COA8: variants seen among roughly 807,000 people sequenced by gnomAD.
The protein encoded by COA8 is cytochrome c oxidase assembly factor 8, also known as UPF0671 protein C14orf153.
Under a neutral mutation model 22.0 loss-of-function variants are expected in COA8, and 20 were observed. The observed-to-expected ratio is 0.91, with a 90% CI of 0.64 to 1.32. The LOEUF (loss-of-function observed/expected upper bound fraction) is 1.32. COA8 is among the 40% of genes most tolerant of loss of function. The pLI is 0.00. For missense variants in COA8, 266 were observed against 230.0 expected (o/e 1.16, Z -1.01); for synonymous variants, 105 against 79.9 (o/e 1.31, Z -1.68).
At chr14:103,585,467 G>A (rs1373392038) in intron 3 of COA8, among the ~76,000 whole-genome samples, 3 of 121,562 alleles carry the variant, frequency 2.5e-5, no homozygotes, top group Admixed American at 8.4e-5. Flanking sequence ...CAACAAAAGC[G>A]AAACTCCGTC....
In COA8 at chr14:103,588,323, TGGGC is replaced by T. The variant is rs1262973558; in HGVS notation, c.476+960_476+963del. ...TGAGTCCAGGAGTTCAAGACCAGTC[TGGGC>T]AACATAGTGAAAGGCTTGAGCTAGG... On this transcript the variant is annotated intron_variant, in intron 4 of 4. Transcript: ENST00000409074. The T allele has an allele frequency of 7.6e-6, 3 of 396,656 alleles. No individual in the cohort carries two copies. In the East Asian group the frequency reaches 1.1e-4, roughly 14 times the overall value. The allele number at this position is 396,656 out of a possible 1,614,324, so 24.6% of individuals were successfully genotyped here.
At chr14:103,571,576 C>G in intron 1 of COA8, 47 bp from the exon 2 acceptor site, 12 of 1,475,448 alleles carry the variant, frequency 8.1e-6, no homozygotes, top group Non-Finnish European at 1.0e-5. Context: ...TTTTATAATA[C>G]TAGAGATTCA....
chr14:103,574,218 C>G (rs754793274), intron 3 of COA8, 48 bp downstream of exon 3: 3 of 1,603,138 alleles, frequency 1.9e-6, no homozygotes, highest in Admixed American at 1.7e-5. Context: ...TGCGTTTGAG[C>G]TAGTCCATGA....
At chr14:103,566,384 C>A (rs1316182600) in intron 1 of COA8, among the ~76,000 whole-genome samples, 1 of 152,154 alleles carries the variant, frequency 6.6e-6, no homozygotes, top group African/African-American at 2.4e-5. Flanking sequence ...CGCGCCATTG[C>A]ACTCCAGCCT....
intron 3 of COA8, among the ~76,000 whole-genome samples, chr14:103,586,337 A>G (rs1306776944): frequency 1.3e-5 from 2 of 150,044 alleles, no homozygotes; most frequent in Non-Finnish European, 3.0e-5. Flanking sequence ...CCTCTTGAGT[A>G]GCTAAGACTA....
At chr14:103,577,114 A>G (rs1249680605) in intron 3 of COA8, among the ~76,000 whole-genome samples, 2 of 152,232 alleles carry the variant, frequency 1.3e-5, no homozygotes, top group Non-Finnish European at 2.9e-5. Context: ...CTCTGTCACC[A>G]GGCTGGAGTG....
At chr14:103,563,285 A>G (rs2076105719) in intron 1 of COA8, 161 bp downstream of exon 1, 7 of 969,378 alleles carry the variant, frequency 7.2e-6, no homozygotes, top group Non-Finnish European at 1.1e-5. Context: ...AGGCTCCCGC[A>G]TCAACGCCCT....
rs942263334 is a variant in COA8, at chr14:103,581,625, G to A, written c.386-5649G>A. ...GGAAAGAAAAACCATGGATGGAGGGGACAGCTGTGCTGCCGCCATCTCCCT... is the reference window on the plus strand; with the variant it reads ...GGAAAGAAAAACCATGGATGGAGGGAACAGCTGTGCTGCCGCCATCTCCCT... On this transcript the variant is annotated intron_variant, in intron 3 of 4. Transcript: ENST00000409074. The surrounding 1 kb of genome is among the most constrained non-coding windows in gnomAD (Gnocchi z 4.1). 2 of 398,568 alleles carry A rather than the reference G, an allele frequency of 5.0e-6. No homozygotes were observed. Among genetic ancestry groups the A allele is most frequent in the African/African-American group, 4.1e-5 (2 of 48,638 alleles). 24.7% of individuals were successfully genotyped at this position (398,568 alleles called of 1,614,324 possible).
intron 1 of COA8, among the ~76,000 whole-genome samples, chr14:103,566,112 A>G (rs2076133368): frequency 6.6e-6 from 1 of 152,136 alleles, no homozygotes; most frequent in Admixed American, 6.6e-5. Context: ...CTTTCTGGTT[A>G]GAGTTACTAA....
chr14:103,587,279 A>G lies in COA8; in HGVS notation c.391A>G (p.Lys131Glu). ...GLGLRTESGQ[K>E]ATLNAEEMAD... ...AAGCTGAAATTACCTTTCAGGTCAG[A>G]AAGCAACATTGAATGCAGAAGAAAT... Residue 131 changes from lysine to glutamate, a missense_variant, in exon 4 of 5, where the codon AAA becomes GAA. By Grantham distance (56) the Lys-to-Glu change is moderately conservative (BLOSUM62 1). Coordinates refer to ENST00000409074, the MANE Select transcript of COA8 (RefSeq NM_001370595.2). 6.2e-7 allele frequency: 1 copy of G among 1,611,798 alleles called. No individual in the cohort carries two copies. The highest frequency in any genetic ancestry group is 1.1e-5 in the South Asian group (1 of 90,706).
chr14:103,568,096 A>G (rs2076148568), intron 1 of COA8, among the ~76,000 whole-genome samples: 3 of 152,222 alleles, frequency 2.0e-5, no homozygotes, highest in Admixed American at 2.0e-4. Context: ...AAGCCTTTAT[A>G]GAACTGAGAG....
chr14:103,586,129 G>A (rs1595150017), intron 3 of COA8, among the ~76,000 whole-genome samples: 1 of 149,552 alleles, frequency 6.7e-6, no homozygotes, highest in Non-Finnish European at 1.5e-5. Context: ...TCGAACTCCT[G>A]ACCTCAGGTG....
intron 3 of COA8, among the ~76,000 whole-genome samples, chr14:103,584,860 C>T (rs2076293679): frequency 6.6e-6 from 1 of 152,174 alleles, no homozygotes; most frequent in Admixed American, 6.6e-5. Flanking sequence ...GATGATTTGG[C>T]CAGGTGCAGT....
intron 4 of COA8, chr14:103,588,391 C>T (rs528771984): frequency 5.5e-5 from 21 of 380,774 alleles, no homozygotes; most frequent in African/African-American, 3.8e-4. Context: ...CTACAGTGAG[C>T]CGAGATCCGG....
At chr14:103,589,791 G>A (rs1390059265) in intron 4 of COA8, among the ~76,000 whole-genome samples, 2 of 151,766 alleles carry the variant, frequency 1.3e-5, no homozygotes, top group African/African-American at 4.8e-5. Flanking sequence ...GCGGGCGCCT[G>A]TAGTCCCAGC....
intron 1 of COA8, among the ~76,000 whole-genome samples, chr14:103,570,720 G>C (rs1441915206): frequency 6.6e-6 from 1 of 152,184 alleles, no homozygotes; most frequent in African/African-American, 2.4e-5. Context: ...GCGATAGAGC[G>C]AGACTCCATC....
chr14:103,564,786 G>T (rs1365749570), intron 1 of COA8, among the ~76,000 whole-genome samples: 1 of 151,774 alleles, frequency 6.6e-6, no homozygotes. Flanking sequence ...TTCACCTGTT[G>T]GCCAGGCTGG....
rs776809478 is a variant in COA8, at chr14:103,587,349, A to T, written c.461A>T (p.His154Leu). Residue 154 changes from histidine (H) to leucine (L), a missense_variant, in exon 4 of 5, where the codon CAC becomes CTC. By Grantham distance (99) the His-to-Leu change is moderately conservative. Transcript: ENST00000409074. ...KEFLSKNFQK[H>L]MYYNRDWYKR... The stretch of plus-strand genomic sequence containing the variant: ...TTTTTAAGTAAAAATTTTCAGAAGC[A>T]CATGTATTATAACAGGTAGGTGTTT... 12 of 1,612,646 alleles carry T rather than the reference A, an allele frequency of 7.4e-6. No individual in the cohort carries two copies. In the Admixed American group the frequency reaches 1.0e-4, roughly 13 times the overall value.
Position 103,563,054 on chromosome 14 carries a change from C to G in COA8, c.53C>G (p.Ala18Gly). Residue 18 changes from alanine (A) to glycine (G), a missense_variant, in exon 1 of 5, where the codon GCC (alanine) becomes GGC (glycine). By Grantham distance (60) the Ala-to-Gly change is moderately conservative (BLOSUM62 0). Transcript: ENST00000409074. Reference protein sequence around the residue: ...KKTFLPPLCRAFACRGCQLAP... With the variant: ...KKTFLPPLCRGFACRGCQLAP... Reference sequence around the variant, plus strand: ...ACCTTTCTCCCCCCTCTCTGCCGCGCCTTCGCCTGCCGCGGCTGTCAACTC... The same window carrying G: ...ACCTTTCTCCCCCCTCTCTGCCGCGGCTTCGCCTGCCGCGGCTGTCAACTC... 1 of 1,539,114 alleles carries G rather than the reference C, an allele frequency of 6.5e-7. No homozygotes were observed. Among genetic ancestry groups the G allele is most frequent in the Non-Finnish European group, 8.7e-7 (1 of 1,147,842 alleles).
Sources: allele counts gnomAD v4.1 joint callset (sites outside exome capture counted in the v4.1 genomes callset), GRCh38; gene constraint gnomAD v4.1.1; non-coding constraint Gnocchi (gnomAD v3.1); transcripts MANE v1.5; gene names NCBI Gene and HGNC (gene_info 2026-07-23, HGNC 2026-07-21).